The following SLC22A15 variants were observed in gnomAD, a reference collection of about 807,000 sequenced individuals.
SLC22A15 encodes solute carrier family 22 member 15.
In SLC22A15, 45 loss-of-function variants were observed where a neutral mutation model predicts 62.7. The ratio of observed to expected loss-of-function variants is 0.72; its 90% CI spans 0.56 to 0.92. SLC22A15 has a LOEUF of 0.92. Among genes scored for constraint, SLC22A15 ranks in the 40% least tolerant of loss-of-function variants. The pLI is 0.00. For missense variants in SLC22A15, 622 were observed against 665.6 expected, an observed-to-expected ratio of 0.93 and a Z score of 0.72; for synonymous variants, 264 against 267.0, an observed-to-expected ratio of 0.99 and a Z score of 0.11.
chr1:115,978,056 G>C (rs2101037278), intron 1 of SLC22A15, among the ~76,000 whole-genome samples: 1 of 152,258 alleles, frequency 6.6e-6, no homozygotes, highest in East Asian at 1.9e-4. Flanking sequence ...TAAATGATAA[G>C]AGTATTTAAT....
intron 8 of SLC22A15, among the ~76,000 whole-genome samples, chr1:116,040,121 G>A (rs1480726100): frequency 6.6e-6 from 1 of 152,204 alleles, no homozygotes; most frequent in Non-Finnish European, 1.5e-5. Flanking sequence ...TGTGTCAGAA[G>A]CATTCGTGGA....
At chr1:115,994,035 C>T (rs557946710) in intron 2 of SLC22A15, among the ~76,000 whole-genome samples, 1 of 152,216 alleles carries the variant, frequency 6.6e-6, no homozygotes, top group Non-Finnish European at 1.5e-5. Context: ...GGAGAAAATA[C>T]GCTTTTGTTC....
At chr1:115,981,914 T>C (rs1654629845) in intron 1 of SLC22A15, among the ~76,000 whole-genome samples, 1 of 152,232 alleles carries the variant, frequency 6.6e-6, no homozygotes, top group African/African-American at 2.4e-5. Context: ...GCTTGAATGT[T>C]GTGCTACTCT....
chr1:116,037,291 T>C lies in SLC22A15; in HGVS notation c.1086-12T>C, dbSNP rs764234506. The C allele has an allele frequency of 1.8e-5, 29 of 1,608,190 alleles. 1 individual carries two copies. In the South Asian group the frequency reaches 3.2e-4, roughly 18 times the overall value. On this transcript the variant is annotated splice_polypyrimidine_tract_variant and intron_variant, in intron 7 of 11. Transcript: ENST00000369503. ...TCTTAAGAGAACTGTGTAATTTCTTTCTATTGTTTAGGTTTGGTCGGAAGC... is the reference window on the plus strand; with the variant it reads ...TCTTAAGAGAACTGTGTAATTTCTTCCTATTGTTTAGGTTTGGTCGGAAGC...
intron 4 of SLC22A15, among the ~76,000 whole-genome samples, chr1:116,022,729 T>C (rs1285955086): frequency 6.6e-6 from 1 of 152,158 alleles, no homozygotes; most frequent in Non-Finnish European, 1.5e-5. Flanking sequence ...TGGGTTAAGA[T>C]GAGACTATCA....
intron 8 of SLC22A15, among the ~76,000 whole-genome samples, chr1:116,053,903 A>C (rs1450014098): frequency 6.6e-6 from 1 of 152,172 alleles, no homozygotes; most frequent in East Asian, 1.9e-4. Context: ...TCCTGAAGGA[A>C]GCACTAAACA....
intron 1 of SLC22A15, 63 bp from the exon 2 acceptor site, chr1:115,991,967 TA>T: frequency 7.1e-7 from 1 of 1,408,724 alleles, no homozygotes; most frequent in African/African-American, 1.4e-5. Flanking sequence ...GCAAGCCTGC[TA>T]AGTGTCTTCA....
rs1003639175 is a variant in SLC22A15 at position 115,976,641 on chromosome 1, A to C, written c.14A>C (p.Glu5Ala). The C allele has an allele frequency of 6.3e-7, 1 of 1,583,476 alleles. No individual in the cohort carries two copies. The highest frequency in any genetic ancestry group is 1.4e-5 in the African/African-American group (1 of 72,384). ...GCGCGGCCCGCCATGGAGGTGGAGG[A>C]GGCGTTCCAGGCGGTGGGGGAGATG... MEVE[E>A]AFQAVGEMGI... Residue 5 changes from glutamate to alanine, a missense_variant, in exon 1 of 12, where the codon GAG (glutamate) becomes GCG (alanine). Coordinates refer to ENST00000369503, the MANE Select transcript of SLC22A15 (RefSeq NM_018420.3).
At chr1:116,001,927 G>A (rs1655755104) in intron 2 of SLC22A15, among the ~76,000 whole-genome samples, 1 of 152,068 alleles carries the variant, frequency 6.6e-6, no homozygotes, top group African/African-American at 2.4e-5. Flanking sequence ...GAAGAGTTAG[G>A]TACTTATTCT....
chr1:115,980,140 T>C (rs1654544085), intron 1 of SLC22A15, among the ~76,000 whole-genome samples: 1 of 152,140 alleles, frequency 6.6e-6, no homozygotes, highest in South Asian at 2.1e-4. Flanking sequence ...CACGAAAAGA[T>C]GTTTTAACTT....
chr1:116,062,968 A>G lies in SLC22A15; in HGVS notation c.1292+86A>G, dbSNP rs1201785887. ...CCAACAGAGGTGTGGTACTCATTTC[A>G]TCTGCTTCTGGAGTTAGTTTGGGGC... On this transcript the variant is annotated intron_variant, in intron 9 of 11. Coordinates refer to ENST00000369503, the MANE Select transcript of SLC22A15 (RefSeq NM_018420.3). 4.6e-6 allele frequency: 7 copies of G among 1,527,980 alleles called. No individual in the cohort carries two copies. In the South Asian group the frequency reaches 6.0e-5, roughly 13 times the overall value. 94.7% of individuals were successfully genotyped at this position (1,527,980 alleles called of 1,614,324 possible).
intron 1 of SLC22A15, among the ~76,000 whole-genome samples, chr1:115,986,277 A>G (rs1487247601): frequency 6.6e-6 from 1 of 152,250 alleles, no homozygotes; most frequent in East Asian, 1.9e-4. Flanking sequence ...TATTTGATAT[A>G]TATATGAGAT....
intron 8 of SLC22A15, among the ~76,000 whole-genome samples, chr1:116,054,578 T>G (rs1044500331): frequency 2.0e-5 from 3 of 152,082 alleles, no homozygotes; most frequent in African/African-American, 4.8e-5. Flanking sequence ...TACAGAACTC[T>G]CCACCCCAAA....
intron 2 of SLC22A15, among the ~76,000 whole-genome samples, chr1:115,996,469 T>C (rs1383162757): frequency 6.6e-6 from 1 of 152,172 alleles, no homozygotes; most frequent in Non-Finnish European, 1.5e-5. Context: ...ATTTTGAGTG[T>C]CTTTGATTTC....
chr1:116,034,055 C>G (rs1657541394), intron 6 of SLC22A15, among the ~76,000 whole-genome samples: 1 of 152,130 alleles, frequency 6.6e-6, no homozygotes, highest in South Asian at 2.1e-4. Flanking sequence ...CCTGACTGAT[C>G]TCATTATAGC....
intron 2 of SLC22A15, among the ~76,000 whole-genome samples, chr1:116,002,117 C>A (rs1655768779): frequency 6.6e-6 from 1 of 152,208 alleles, no homozygotes; most frequent in South Asian, 2.1e-4. Context: ...CAATGGTGGT[C>A]TTGGTTAAGA....
intron 8 of SLC22A15, among the ~76,000 whole-genome samples, chr1:116,056,131 T>C (rs1385378869): frequency 2.6e-5 from 4 of 151,774 alleles, no homozygotes; most frequent in South Asian, 4.2e-4. Context: ...TGTTTGCAGA[T>C]GACATGATTG....
intron 8 of SLC22A15, among the ~76,000 whole-genome samples, chr1:116,061,698 T>A (rs200568073): frequency 6.7e-6 from 1 of 149,370 alleles, no homozygotes; most frequent in African/African-American, 2.5e-5. Context: ...AAAAAAAAAA[T>A]CATTAAATTG....
intron 8 of SLC22A15, among the ~76,000 whole-genome samples, chr1:116,056,235 A>G (rs1001948400): frequency 1.3e-5 from 2 of 152,048 alleles, no homozygotes; most frequent in Non-Finnish European, 2.9e-5. Context: ...AAAGTACAAA[A>G]ATCACAAGCA....
Sources: gnomAD v4.1 joint callset for allele counts (sites outside exome capture counted in the v4.1 genomes callset) on GRCh38, gnomAD v4.1.1 for gene constraint, MANE v1.5 for transcripts, NCBI Gene and HGNC (gene_info 2026-07-23, HGNC 2026-07-21) for gene names.